The following GRB10 variants were observed in gnomAD, a reference collection of about 807,000 sequenced individuals.
The protein encoded by GRB10 is growth factor receptor bound protein 10, also known as growth factor receptor-bound protein 10.
Under a neutral mutation model 80.9 loss-of-function variants are expected in GRB10, and 20 were observed. That is an observed-to-expected ratio of 0.25 (90% CI 0.17 to 0.36). The LOEUF is 0.36. Among genes scored for constraint, GRB10 ranks in the 10% least tolerant of loss-of-function variants. The pLI, the probability that GRB10 is intolerant of heterozygous loss-of-function variation, is 1.00. For synonymous variants in GRB10, 291 were observed against 291.5 expected, an observed-to-expected ratio of 1.00 and a Z score of 0.02; for missense variants, 548 against 747.7, an observed-to-expected ratio of 0.73 and a Z score of 3.12.
intron 7 of GRB10, among the ~76,000 whole-genome samples, chr7:50,659,709 A>AG (rs1166237276): frequency 1.3e-5 from 2 of 152,194 alleles, no homozygotes; most frequent in African/African-American, 4.8e-5. Context: ...CCCCTCACCT[A>AG]GAGGAGCATA....
At chr7:50,699,833 T>C (rs1469412504) in intron 5 of GRB10, among the ~76,000 whole-genome samples, 4 of 152,126 alleles carry the variant, frequency 2.6e-5, no homozygotes, top group Admixed American at 6.5e-5. Context: ...TCTTAGCATG[T>C]TTAAAAAGAG....
At chr7:50,671,351 C>T (rs1033146965) in intron 6 of GRB10, among the ~76,000 whole-genome samples, 2 of 152,178 alleles carry the variant, frequency 1.3e-5, no homozygotes, top group African/African-American at 4.8e-5. Context: ...TTAGCTTTCC[C>T]AGGAGATTTG....
At chr7:50,709,125 A>G (rs916093923) in intron 4 of GRB10, among the ~76,000 whole-genome samples, 8 of 152,216 alleles carry the variant, frequency 5.3e-5, no homozygotes, top group African/African-American at 1.7e-4. Context: ...CATGCTTTAG[A>G]AAAACTTGCC....
intron 3 of GRB10, among the ~76,000 whole-genome samples, chr7:50,754,144 G>A (rs983902740): frequency 1.3e-5 from 2 of 152,292 alleles, no homozygotes; most frequent in South Asian, 2.1e-4. Flanking sequence ...CCTGAAGCTC[G>A]CACACCTGCC....
chr7:50,596,472 C>T (rs1010173164), intron 17 of GRB10, among the ~76,000 whole-genome samples: 4 of 152,114 alleles, frequency 2.6e-5, no homozygotes, highest in Admixed American at 6.5e-5. Flanking sequence ...GGCTTCTACT[C>T]GAAACGCAGG....
At chr7:50,659,510 A>G (rs552707958) in intron 7 of GRB10, among the ~76,000 whole-genome samples, 84 of 152,280 alleles carry the variant, frequency 5.5e-4, no homozygotes, top group Admixed American at 2.7e-3. Flanking sequence ...AGGACACCCG[A>G]ACCTGCCAAC....
At chr7:50,670,360 G>T (rs1158207008) in intron 6 of GRB10, among the ~76,000 whole-genome samples, 2 of 152,100 alleles carry the variant, frequency 1.3e-5, no homozygotes, top group Admixed American at 6.5e-5. Context: ...TACAACCATT[G>T]TGAGTGTGCA....
intron 4 of GRB10, among the ~76,000 whole-genome samples, chr7:50,705,512 C>T (rs1311222632): frequency 4.6e-5 from 7 of 152,118 alleles, no homozygotes; most frequent in Admixed American, 4.6e-4. Flanking sequence ...AACGGAACCT[C>T]TCTTTTTATC....
At chr7:50,697,198 GT>G (rs1433039186) in intron 5 of GRB10, among the ~76,000 whole-genome samples, 1 of 152,184 alleles carries the variant, frequency 6.6e-6, no homozygotes, top group Non-Finnish European at 1.5e-5. Flanking sequence ...GGTGATAAGA[GT>G]TTTGGAAACA....
At chr7:50,741,360 T>C (rs376973206) in intron 3 of GRB10, among the ~76,000 whole-genome samples, 4 of 152,084 alleles carry the variant, frequency 2.6e-5, no homozygotes, top group African/African-American at 9.6e-5. Context: ...TTTACAAAAA[T>C]GCAAAGATCT....
intron 4 of GRB10, chr7:50,727,675 T>C (rs1010655866): frequency 3.3e-5 from 5 of 152,148 alleles, no homozygotes; most frequent in Admixed American, 3.3e-4. Context: ...CACATGATTT[T>C]AAAGACTTAA....
intron 2 of GRB10, among the ~76,000 whole-genome samples, chr7:50,767,383 G>A (rs1030081175): frequency 1.8e-4 from 27 of 152,306 alleles, no homozygotes; most frequent in African/African-American, 5.8e-4. Flanking sequence ...CAACTGCAGG[G>A]AGTCCTGTGT....
At chr7:50,616,030 C>T (rs568029094) in intron 11 of GRB10, among the ~76,000 whole-genome samples, 180 bp downstream of exon 11, 17 of 152,246 alleles carry the variant, frequency 1.1e-4, no homozygotes, top group African/African-American at 3.6e-4. Flanking sequence ...AGTTTCTGAG[C>T]GAGACCAGGA....
intron 3 of GRB10, among the ~76,000 whole-genome samples, chr7:50,745,407 T>C (rs1185376265): frequency 1.3e-5 from 2 of 152,222 alleles, no homozygotes; most frequent in Non-Finnish European, 2.9e-5. Context: ...TTCCAAGGAA[T>C]AGATCTTTGT....
intron 3 of GRB10, among the ~76,000 whole-genome samples, chr7:50,749,187 A>G (rs181532767): frequency 8.2e-4 from 116 of 140,710 alleles, no homozygotes; most frequent in African/African-American, 3.0e-3. Context: ...GGAGTGCAAT[A>G]GTGCGATCTT....
At chr7:50,676,682 G>A (rs557142337) in intron 5 of GRB10, among the ~76,000 whole-genome samples, 3 of 152,092 alleles carry the variant, frequency 2.0e-5, no homozygotes, top group Admixed American at 1.3e-4. Flanking sequence ...AAGGCTAAAG[G>A]GCATAACAAG....
intron 3 of GRB10, among the ~76,000 whole-genome samples, chr7:50,748,396 G>C (rs192015520): frequency 1.3e-5 from 2 of 152,240 alleles, no homozygotes; most frequent in Non-Finnish European, 2.9e-5. Flanking sequence ...AGAGCGTCAC[G>C]GCAGATGTGA....
chr7:50,650,485 T>C (rs2057870047), intron 7 of GRB10, among the ~76,000 whole-genome samples: 1 of 152,192 alleles, frequency 6.6e-6, no homozygotes, highest in African/African-American at 2.4e-5. Context: ...CACGTCTGCA[T>C]GCAGGCAGGA....
upstream of GRB10, among the ~76,000 whole-genome samples, chr7:50,785,137 G>A (rs896265871): frequency 2.0e-5 from 3 of 151,726 alleles, no homozygotes; most frequent in Non-Finnish European, 4.4e-5. Context: ...AGAACTGAAA[G>A]AGGCTCCTGC....
Sources: allele counts gnomAD v4.1 joint callset (sites outside exome capture counted in the v4.1 genomes callset), GRCh38; gene constraint gnomAD v4.1.1; transcripts MANE v1.5; gene names NCBI Gene and HGNC (gene_info 2026-07-23, HGNC 2026-07-21).